Variants in ARHGEF4 observed in about 807,000 individuals in gnomAD.
The protein encoded by ARHGEF4 is APC-stimulated guanine nucleotide exchange factor 1.
Under a neutral mutation model 162.0 loss-of-function variants are expected in ARHGEF4, and 119 were observed. The ratio of observed to expected loss-of-function variants is 0.73; its 90% CI spans 0.63 to 0.86. The LOEUF (loss-of-function observed/expected upper bound fraction) is 0.86, where lower values mean the gene tolerates loss of function less well. Ranked by LOEUF, ARHGEF4 falls within the 40% of genes least tolerant of loss-of-function variation. The pLI, the probability that ARHGEF4 is intolerant of heterozygous loss-of-function variation, is 0.00. For synonymous variants in ARHGEF4, 1,014 were observed against 979.9 expected (o/e 1.03, Z -0.65); for missense variants, 2,488 against 2,456.0 (o/e 1.01, Z -0.28).
At chr2:131,001,322 A>C (rs907316955) in intron 4 of ARHGEF4, among the ~76,000 whole-genome samples, 44 of 151,158 alleles carry the variant, frequency 2.9e-4, no homozygotes, top group African/African-American at 1.0e-3. Flanking sequence ...AAAAAAAAAA[A>C]AAAAAACAGA....
chr2:131,038,228 CTCCCTCCTGCAGCCT>C lies in ARHGEF4; in HGVS notation c.4126-623_4126-609del, dbSNP rs765147518. 1.1e-3 allele frequency among the ~76,000 whole-genome samples: 172 copies of C among 152,104 alleles called. 1 individual carries two copies. Among genetic ancestry groups the C allele is most frequent in the Non-Finnish European group, 2.0e-3 (136 of 67,980 alleles). On this transcript the variant is annotated intron_variant, in intron 5 of 13. Coordinates refer to ENST00000409359, the MANE Select transcript of ARHGEF4 (RefSeq NM_001367493.1). ...ACAGGAGGGCACCAGCCCCCAGCCC[CTCCCTCCTGCAGCCT>C]TGCAGCCCAGCCTCTCCCTCCTGCA...
At chr2:130,993,087 A>G (rs1687152259) in intron 4 of ARHGEF4, among the ~76,000 whole-genome samples, 1 of 151,774 alleles carries the variant, frequency 6.6e-6, no homozygotes, top group South Asian at 2.1e-4. Context: ...GTTCAAAAAC[A>G]AAACAAAACA....
intron 3 of ARHGEF4, among the ~76,000 whole-genome samples, chr2:130,944,449 T>A (rs1683489079): frequency 1.3e-5 from 2 of 152,196 alleles, no homozygotes; most frequent in South Asian, 2.1e-4. Flanking sequence ...CTATTGGGAT[T>A]TTTTCCCCCC....
chr2:131,019,776 G>A (rs1688984824), intron 4 of ARHGEF4, among the ~76,000 whole-genome samples: 1 of 152,116 alleles, frequency 6.6e-6, no homozygotes, highest in Non-Finnish European at 1.5e-5. Flanking sequence ...TGGGACTACA[G>A]GCGCCTGCCA....
chr2:130,986,895 G>A (rs926607062), intron 4 of ARHGEF4, among the ~76,000 whole-genome samples: 42 of 152,214 alleles, frequency 2.8e-4, no homozygotes, highest in African/African-American at 9.9e-4. Context: ...AGAGCCTTGG[G>A]TCACACAATC....
intron 4 of ARHGEF4, among the ~76,000 whole-genome samples, chr2:131,026,530 A>C (rs76411385): frequency 0.061 from 9,251 of 152,304 alleles, 947 homozygotes; most frequent in African/African-American, 0.21. Flanking sequence ...ACATGAATAC[A>C]TACATATTTT....
intron 4 of ARHGEF4, among the ~76,000 whole-genome samples, chr2:130,956,285 A>G (rs1684268503): frequency 6.6e-6 from 1 of 152,160 alleles, no homozygotes; most frequent in Admixed American, 6.5e-5. Flanking sequence ...ATCTCACACC[A>G]GTTAGAATGG....
chr2:130,923,437 T>C (rs538308800), intron 2 of ARHGEF4, among the ~76,000 whole-genome samples: 30 of 152,340 alleles, frequency 2.0e-4, no homozygotes, highest in Admixed American at 9.1e-4. Context: ...TCTGACACAG[T>C]ATCTTAATCA....
chr2:130,862,911 T>G (rs1163187566), intron 1 of ARHGEF4, among the ~76,000 whole-genome samples: 4 of 108,382 alleles, frequency 3.7e-5, no homozygotes, highest in African/African-American at 2.5e-4. Flanking sequence ...ATAAAGAATT[T>G]GTATCCAGAA....
chr2:130,987,871 T>A (rs965514049), intron 4 of ARHGEF4, among the ~76,000 whole-genome samples: 5 of 152,160 alleles, frequency 3.3e-5, no homozygotes, highest in Non-Finnish European at 5.9e-5. Context: ...TTAAGAGACG[T>A]CTTGGGAGCT....
At chr2:131,035,124 C>T (rs1270582831) in intron 5 of ARHGEF4, 117 of 1,166,624 alleles carry the variant, frequency 1.0e-4, no homozygotes, top group Non-Finnish European at 1.2e-4. Context: ...GGCGCGGCCC[C>T]GCGGCGCCCG....
At chr2:130,929,500 C>A (rs1682495635) in intron 2 of ARHGEF4, among the ~76,000 whole-genome samples, 1 of 152,152 alleles carries the variant, frequency 6.6e-6, no homozygotes, top group South Asian at 2.1e-4. Flanking sequence ...ACTGTAATCT[C>A]CCAAGTACAT....
intron 4 of ARHGEF4, among the ~76,000 whole-genome samples, chr2:130,997,494 A>G (rs7572254): frequency 0.077 from 11,768 of 152,214 alleles, 553 homozygotes; most frequent in African/African-American, 0.12. Context: ...GCTTCCTGGT[A>G]AACAGCAGCA....
rs756670478 is a variant in ARHGEF4 at position 131,038,915 on chromosome 2, C to T, written c.4188C>T (p.Asp1396=). 19 of 1,613,526 alleles carry T rather than the reference C, an allele frequency of 1.2e-5. No individual in the cohort carries two copies. Among genetic ancestry groups the T allele is most frequent in the Non-Finnish European group, 1.5e-5 (18 of 1,180,000 alleles). The change falls in exon 6 of 14, where the codon GAC becomes GAT. Residue 1396 remains aspartate (D), a synonymous_variant. Transcript: ENST00000409359. ...TCTGGGACCATGTCACCATGGACGA[C>T]CAGGAGCTGGGCTTCAAAGCTGGGG... ...EALWDHVTMD[D]QELGFKAGDV...
Position 131,041,930 on chromosome 2 carries a change from A to G in ARHGEF4, c.5011A>G (p.Ile1671Val). The G allele has an allele frequency of 6.2e-7, 1 of 1,613,512 alleles. No homozygotes were observed. The highest frequency in any genetic ancestry group is 1.1e-5 in the South Asian group (1 of 91,078). Residue 1671 changes from isoleucine to valine, a missense_variant, in exon 10 of 14, where the codon ATA becomes GTA. By Grantham distance (29) the Ile-to-Val change is conservative (BLOSUM62 3). Around this residue, in one of 6 missense-constraint regions of ARHGEF4, gnomAD observed 415 missense variants for 512.4 expected, o/e 0.81. Transcript: ENST00000409359. Reference sequence around the variant, plus strand: ...CAAGATTGCTCAGTGGCAGAGCTCCATAGAGGACTGGGAGGTGAGGGCCTG... The same window carrying G: ...CAAGATTGCTCAGTGGCAGAGCTCCGTAGAGGACTGGGAGGTGAGGGCCTG... ...IDKIAQWQSS[I>V]EDWEGEDLLV...
chr2:130,993,853 C>T (rs528878523), intron 4 of ARHGEF4, among the ~76,000 whole-genome samples: 244 of 152,132 alleles, frequency 1.6e-3, no homozygotes, highest in Non-Finnish European at 2.5e-3. Flanking sequence ...GTGATCTTGG[C>T]TGTCACTGCA....
intron 1 of ARHGEF4, among the ~76,000 whole-genome samples, chr2:130,857,196 C>T (rs1325871414): frequency 6.6e-6 from 1 of 151,950 alleles, no homozygotes; most frequent in Non-Finnish European, 1.5e-5. Flanking sequence ...CGCGTCACTG[C>T]ACTCCAGCCT....
chr2:130,958,608 C>G (rs896550948), intron 4 of ARHGEF4, among the ~76,000 whole-genome samples: 2 of 152,052 alleles, frequency 1.3e-5, no homozygotes, highest in Non-Finnish European at 2.9e-5. Context: ...CGGGGTTTCA[C>G]CATGTTGGCC....
chr2:131,039,719 G>A (rs1336262628), intron 6 of ARHGEF4: 9 of 1,307,808 alleles, frequency 6.9e-6, no homozygotes, highest in Non-Finnish European at 7.8e-6. Flanking sequence ...AGCAGGCACT[G>A]GTTCAGGAAC....
Sources: allele counts gnomAD v4.1 joint callset (sites outside exome capture counted in the v4.1 genomes callset), GRCh38; gene constraint gnomAD v4.1.1; regional missense constraint gnomAD v4.1.1; transcripts MANE v1.5; gene names NCBI Gene and HGNC (gene_info 2026-07-23, HGNC 2026-07-21).